The following ATG4C variants were observed in gnomAD, a reference collection of about 807,000 sequenced individuals.
ATG4C encodes the protein autophagy related 4C cysteine peptidase, also known as cysteine protease ATG4C.
A neutral mutation model predicts 57.6 loss-of-function variants in ATG4C; 56 were observed. That is an observed-to-expected ratio of 0.97 (90% CI 0.78 to 1.21). The LOEUF (loss-of-function observed/expected upper bound fraction) is 1.21, where lower values mean the gene tolerates loss of function less well. Among genes scored for constraint, ATG4C ranks in the 50% most tolerant of loss-of-function variants. The pLI is 0.00. For synonymous variants in ATG4C, 157 were observed against 174.1 expected, an observed-to-expected ratio of 0.90 and a Z score of 0.78; for missense variants, 595 against 529.8, an observed-to-expected ratio of 1.12 and a Z score of -1.21.
At position 62,864,153 on chromosome 1, in the gene ATG4C, G is replaced by A. The variant is rs1666936687; in HGVS notation, c.1371G>A (p.Leu457=). 1 of 1,596,912 alleles carries A rather than the reference G, an allele frequency of 6.3e-7. No homozygotes were observed. The highest frequency in any genetic ancestry group is 1.1e-5 in the South Asian group (1 of 87,134). Residue 457 remains leucine, a synonymous_variant, in exon 11 of 11, where the codon TTG becomes TTA. Transcript: ENST00000317868. ...LKRFSTEEFV[L]L ...GATTTAGCACGGAAGAGTTTGTCTTGCTTTAAAGATTAGCACATTTGTGCT... is the reference window on the plus strand; with the variant it reads ...GATTTAGCACGGAAGAGTTTGTCTTACTTTAAAGATTAGCACATTTGTGCT...
chr1:62,830,478 G>C (rs1166243489), intron 7 of ATG4C, among the ~76,000 whole-genome samples: 1 of 152,104 alleles, frequency 6.6e-6, no homozygotes, highest in Non-Finnish European at 1.5e-5. Flanking sequence ...CTGGTGGAAT[G>C]GGTTGCAAAT....
intron 9 of ATG4C, among the ~76,000 whole-genome samples, chr1:62,840,117 A>T (rs1461285679): frequency 6.6e-6 from 1 of 152,162 alleles, no homozygotes; most frequent in Non-Finnish European, 1.5e-5. Context: ...GAATGTAGGG[A>T]AACTATAATT....
chr1:62,798,473 A>G (rs1157316505), intron 1 of ATG4C, among the ~76,000 whole-genome samples: 8 of 152,188 alleles, frequency 5.3e-5, no homozygotes, highest in Admixed American at 5.2e-4. Flanking sequence ...CTGTAGTTTT[A>G]TAGTGTGTTT....
chr1:62,794,345 G>A (rs756373612), intron 1 of ATG4C, among the ~76,000 whole-genome samples: 8 of 152,136 alleles, frequency 5.3e-5, no homozygotes, highest in Admixed American at 6.5e-5. Flanking sequence ...TATTTTACTC[G>A]TTAGATTTAA....
intron 3 of ATG4C, among the ~76,000 whole-genome samples, chr1:62,812,390 A>G (rs1439675707): frequency 6.6e-6 from 1 of 152,228 alleles, no homozygotes; most frequent in Non-Finnish European, 1.5e-5. Flanking sequence ...ATCTCAATAG[A>G]TGCAGAAAAG....
At position 62,818,559 on chromosome 1, in the gene ATG4C, A is replaced by G. The variant is rs550006283; in HGVS notation, c.395-446A>G. On this transcript the variant is annotated intron_variant, in intron 4 of 10. Transcript: ENST00000317868. Reference sequence around the variant, plus strand: ...TATTTTTGTAATTTTTTTCTTGATTATATGAAATTTTGGAAACTACAGAAA... The same window carrying G: ...TATTTTTGTAATTTTTTTCTTGATTGTATGAAATTTTGGAAACTACAGAAA... Among the ~76,000 whole-genome samples the G allele has an allele frequency of 7.9e-5, 12 of 152,142 alleles. No homozygotes were observed. The East Asian group carries it at 1.3e-3, about 17-fold the overall frequency.
intron 1 of ATG4C, among the ~76,000 whole-genome samples, chr1:62,802,145 A>G (rs1179683329): frequency 6.6e-6 from 1 of 151,862 alleles, no homozygotes; most frequent in Non-Finnish European, 1.5e-5. Flanking sequence ...CACACACCAA[A>G]GCCTGGGTAT....
chr1:62,807,587 G>A (rs1009143324), intron 3 of ATG4C, among the ~76,000 whole-genome samples: 1 of 152,186 alleles, frequency 6.6e-6, no homozygotes, highest in African/African-American at 2.4e-5. Context: ...TACGGGATAT[G>A]TAGAGCTTCT....
intron 10 of ATG4C, among the ~76,000 whole-genome samples, chr1:62,863,214 T>C (rs972186474): frequency 6.6e-6 from 1 of 152,050 alleles, no homozygotes; most frequent in East Asian, 1.9e-4. Flanking sequence ...TTTTTTTGTA[T>C]GTAATGTAAC....
At position 62,834,032 on chromosome 1, in the gene ATG4C, T is replaced by C. The variant is rs1572148109; in HGVS notation, c.934-6T>C. On this transcript the variant is annotated splice_region_variant and splice_polypyrimidine_tract_variant and intron_variant, in intron 7 of 10. Transcript: ENST00000317868. Reference sequence around the variant, plus strand: ...TGACTAAATCTGTATTAATTTTTTTTGGCAGGGTATTTTAAGCCTGGAATA... The same window carrying C: ...TGACTAAATCTGTATTAATTTTTTTCGGCAGGGTATTTTAAGCCTGGAATA... 1 of 1,609,692 alleles carries C rather than the reference T, an allele frequency of 6.2e-7. No homozygotes were observed. The highest frequency in any genetic ancestry group is 2.2e-5 in the East Asian group (1 of 44,730).
At chr1:62,806,398 C>T (rs535010760) in intron 3 of ATG4C, among the ~76,000 whole-genome samples, 77 of 151,206 alleles carry the variant, frequency 5.1e-4, no homozygotes, top group Non-Finnish European at 7.8e-4. Flanking sequence ...CACAGCAATA[C>T]GTATGGTTGA....
chr1:62,803,841 G>C lies in ATG4C; in HGVS notation c.55G>C (p.Ala19Pro), dbSNP rs760890086. 6.3e-7 allele frequency: 1 copy of C among 1,596,368 alleles called. No homozygotes were observed. Among genetic ancestry groups the C allele is most frequent in the East Asian group, 2.3e-5 (1 of 44,076 alleles). The change falls in exon 2 of 11, where the codon GCT becomes CCT. Residue 19 changes from alanine (A) to proline (P), a missense_variant. Transcript: ENST00000317868. ...VDKLKTKFIS[A>P]WNNMKYSWVL... ...CAAGCTAAAAACCAAATTTATATCT[G>C]CTTGGAACAACATGAAATATAGTAA...
At chr1:62,800,087 C>G (rs1664606647) in intron 1 of ATG4C, among the ~76,000 whole-genome samples, 1 of 152,060 alleles carries the variant, frequency 6.6e-6, no homozygotes, top group Non-Finnish European at 1.5e-5. Context: ...TTTTCCCCAT[C>G]CAGATTAAGG....
intron 10 of ATG4C, among the ~76,000 whole-genome samples, chr1:62,856,239 T>A (rs1666680093): frequency 6.6e-6 from 1 of 152,232 alleles, no homozygotes; most frequent in Non-Finnish European, 1.5e-5. Flanking sequence ...GTTTTCCACA[T>A]GAAATCTGAG....
At chr1:62,839,743 G>A (rs1666109789) in intron 9 of ATG4C, among the ~76,000 whole-genome samples, 1 of 152,122 alleles carries the variant, frequency 6.6e-6, no homozygotes, top group South Asian at 2.1e-4. Flanking sequence ...TACTTGTATT[G>A]ACTAGTGCCA....
At chr1:62,825,034 G>A (rs1405394303) in intron 6 of ATG4C, among the ~76,000 whole-genome samples, 2 of 151,924 alleles carry the variant, frequency 1.3e-5, no homozygotes, top group Non-Finnish European at 2.9e-5. Flanking sequence ...TCAGGAGTTC[G>A]AGACCAGCCT....
chr1:62,794,590 G>A (rs966512187), intron 1 of ATG4C, among the ~76,000 whole-genome samples: 7 of 151,868 alleles, frequency 4.6e-5, no homozygotes, highest in African/African-American at 1.5e-4. Flanking sequence ...CCTTTTTTCA[G>A]TCTTTTTGTC....
At chr1:62,847,201 A>G (rs1666350684) in intron 10 of ATG4C, among the ~76,000 whole-genome samples, 1 of 149,882 alleles carries the variant, frequency 6.7e-6, no homozygotes, top group Admixed American at 6.7e-5. Context: ...AAAAAAGCAT[A>G]AGTCTTACTG....
intron 7 of ATG4C, among the ~76,000 whole-genome samples, chr1:62,832,710 A>T (rs1665880811): frequency 6.6e-6 from 1 of 152,144 alleles, no homozygotes; most frequent in South Asian, 2.1e-4. Flanking sequence ...TTTGGAGGGA[A>T]TAAAAATGTT....
Sources: allele counts gnomAD v4.1 joint callset (sites outside exome capture counted in the v4.1 genomes callset), GRCh38; gene constraint gnomAD v4.1.1; transcripts MANE v1.5; gene names NCBI Gene and HGNC (gene_info 2026-07-23, HGNC 2026-07-21).